STUB1: variants seen among roughly 807,000 people sequenced by gnomAD.
STUB1 encodes the protein E3 ubiquitin-protein ligase CHIP.
Under a neutral mutation model 40.3 loss-of-function variants are expected in STUB1, and 37 were observed. That is an observed-to-expected ratio of 0.92 (90% CI 0.71 to 1.21). The LOEUF (loss-of-function observed/expected upper bound fraction) is 1.21, where lower values mean the gene tolerates loss of function less well. Ranked by LOEUF, STUB1 falls within the 50% of genes most tolerant of loss-of-function variation. The pLI, the probability that STUB1 is intolerant of heterozygous loss-of-function variation, is 0.00. For missense variants in STUB1, 460 were observed against 421.9 expected (o/e 1.09, Z -0.79); for synonymous variants, 246 against 171.9 (o/e 1.43, Z -3.37).
At chr16:681,660 C>G in intron 3 of STUB1, 57 bp downstream of exon 3, 1 of 1,568,380 alleles carries the variant, frequency 6.4e-7, no homozygotes, top group Non-Finnish European at 8.7e-7. Context: ...CACCGACTCC[C>G]GACACAAGCG....
chr16:681,726 C>CT, intron 3 of STUB1, 67 bp from the exon 4 acceptor site: 3 of 1,552,582 alleles, frequency 1.9e-6, no homozygotes, highest in Non-Finnish European at 2.6e-6. Context: ...GATGTTAGCT[C>CT]TGAGATTGGG....
chr16:682,513 C>G lies in STUB1; in HGVS notation c.*24C>G, dbSNP rs192974847. The stretch of plus-strand genomic sequence containing the variant: ...GAGGTTCCCTGCCCTACCTGGCGTC[C>G]TGGTCCAGGGGAGCCCTGGGCAGAA... On this transcript the variant is annotated 3_prime_UTR_variant, in exon 7 of 7. Transcript: ENST00000219548. 24 of 1,612,750 alleles carry G rather than the reference C, an allele frequency of 1.5e-5. No homozygotes were observed. The Admixed American group carries it at 2.2e-4, about 15-fold the overall frequency.
chr16:682,053 T>C lies in STUB1; in HGVS notation c.646T>C (p.Ser216Pro), dbSNP rs1205665909. The C allele has an allele frequency of 6.3e-7, 1 of 1,586,428 alleles. No individual in the cohort carries two copies. Residue 216 changes from serine to proline, a missense_variant, in exon 5 of 7, where the codon TCT becomes CCT. Physicochemically the swap from Ser to Pro is moderately conservative, Grantham distance 74. Coordinates refer to ENST00000219548, the MANE Select transcript of STUB1 (RefSeq NM_005861.4). Reference sequence around the variant, plus strand: ...CATGGCGGACATGGACGAGCTTTTTTCTCAGGTGGATGAGAAGAGGAAGGT... The same window carrying C: ...CATGGCGGACATGGACGAGCTTTTTCCTCAGGTGGATGAGAAGAGGAAGGT... Reference protein sequence around the residue: ...KYMADMDELFSQVDEKRKKRD... With the variant: ...KYMADMDELFPQVDEKRKKRD...
Position 680,649 on chromosome 16 carries a change from T to A in STUB1, c.124T>A (p.Tyr42Asn). The change falls in exon 1 of 7, where the codon TAC becomes AAC. Residue 42 changes from tyrosine to asparagine, a missense_variant. Physicochemically the swap from Tyr to Asn is moderately radical, Grantham distance 143. Coordinates refer to ENST00000219548, the MANE Select transcript of STUB1 (RefSeq NM_005861.4). The surrounding 1 kb of genome is among the most constrained non-coding windows in gnomAD (Gnocchi z 4.9). ...CAATCGTCTGTTCGTGGGCCGAAAG[T>A]ACCCGGAGGCGGCGGCCTGCTACGG... The part of the protein sequence containing the change: ...QGNRLFVGRK[Y>N]PEAAACYGRA... 7.6e-7 allele frequency: 1 copy of A among 1,320,586 alleles called. No homozygotes were observed. Among genetic ancestry groups the A allele is most frequent in the Non-Finnish European group, 9.7e-7 (1 of 1,025,670 alleles). The allele number at this position is 1,320,586 out of a possible 1,614,324, so 81.8% of individuals were successfully genotyped here.
Position 680,475 on chromosome 16 carries a change from C to T in STUB1, c.-51C>T, listed in dbSNP as rs575847625. 3 of 1,180,128 alleles carry T rather than the reference C, an allele frequency of 2.5e-6. No individual in the cohort carries two copies. Among genetic ancestry groups the T allele is most frequent in the Non-Finnish European group, 3.1e-6 (3 of 953,638 alleles). 73.1% of individuals were successfully genotyped at this position (1,180,128 alleles called of 1,614,324 possible). ...CGGGGCTCCGGCTGCGGGCGCTGGG[C>T]CGCGAGGCGCGGAGCTTGGGAGCGG... On this transcript the variant is annotated 5_prime_UTR_variant, in exon 1 of 7. Coordinates refer to ENST00000219548, the MANE Select transcript of STUB1 (RefSeq NM_005861.4). This position sits in a 1 kb window ranked among gnomAD's most constrained non-coding sequence, Gnocchi z 4.9.
chr16:681,893 C>T lies in STUB1; in HGVS notation c.612+13C>T. 5 of 1,612,972 alleles carry T rather than the reference C, an allele frequency of 3.1e-6. No homozygotes were observed. Among genetic ancestry groups the T allele is most frequent in the South Asian group, 2.2e-5 (2 of 91,084 alleles). ...TGAGGCCAAGCACGTGAGGGTGCCC[C>T]CCACCCACATGTGGGTCTGTGTGTG... On this transcript the variant is annotated intron_variant, in intron 4 of 6. Coordinates refer to ENST00000219548, the MANE Select transcript of STUB1 (RefSeq NM_005861.4).
chr16:681,230 C>T lies in STUB1; in HGVS notation c.238C>T (p.Leu80=). 2 of 1,611,860 alleles carry T rather than the reference C, an allele frequency of 1.2e-6. No homozygotes were observed. Among genetic ancestry groups the T allele is most frequent in the Non-Finnish European group, 1.7e-6 (2 of 1,179,568 alleles). ...GAAGATGCAGCAGCACGAGCAGGCC[C>T]TGGCCGACTGCCGGCGCGCCCTGGA... ...YLKMQQHEQA[L]ADCRRALELD... is the part of the protein sequence containing the mutation. Residue 80 remains leucine, a synonymous_variant, in exon 2 of 7, where the codon CTG becomes TTG. Coordinates refer to ENST00000219548, the MANE Select transcript of STUB1 (RefSeq NM_005861.4).
At chr16:682,103 G>C in intron 5 of STUB1, 27 bp downstream of exon 5, 1 of 1,582,746 alleles carries the variant, frequency 6.3e-7, no homozygotes, top group East Asian at 2.3e-5. Flanking sequence ...TGCTGCCGAT[G>C]GCTGGCAGGT....
chr16:680,729 A>C lies in STUB1; in HGVS notation c.159+45A>C. On this transcript the variant is annotated intron_variant, in intron 1 of 6. Coordinates refer to ENST00000219548, the MANE Select transcript of STUB1 (RefSeq NM_005861.4). This position sits in a 1 kb window ranked among gnomAD's most constrained non-coding sequence, Gnocchi z 4.9. ...GAGGGCGGCGGCGGTGGCACCGGGG[A>C]GGGCCGGGCCCGGGCCCGGCCGGCC... The C allele has an allele frequency of 2.0e-6, 2 of 995,206 alleles. No homozygotes were observed. The highest frequency in any genetic ancestry group is 1.2e-6 in the Non-Finnish European group (1 of 822,208). The allele number at this position is 995,206 out of a possible 1,614,324, so 61.6% of individuals were successfully genotyped here.
chr16:682,750 G>T lies in STUB1; in HGVS notation c.*261G>T. 6.3e-7 allele frequency: 1 copy of T among 1,591,198 alleles called. No individual in the cohort carries two copies. The highest frequency in any genetic ancestry group is 1.3e-5 in the African/African-American group (1 of 74,704). The stretch of plus-strand genomic sequence containing the variant: ...GTAATAAAATCCGTGAGCACGAGGT[G>T]GGACGTGCTGGTGTGTGACCGGCAG... On this transcript the variant is annotated 3_prime_UTR_variant, in exon 7 of 7. Transcript: ENST00000219548.
In STUB1 at chr16:682,219, G is replaced by A; in HGVS notation, c.724G>A (p.Glu242Lys). 2 of 1,613,014 alleles carry A rather than the reference G, an allele frequency of 1.2e-6. No homozygotes were observed. The highest frequency in any genetic ancestry group is 1.7e-6 in the Non-Finnish European group (2 of 1,179,842). The change falls in exon 6 of 7, where the codon GAG becomes AAG. Residue 242 changes from glutamate (E) to lysine (K), a missense_variant. Coordinates refer to ENST00000219548, the MANE Select transcript of STUB1 (RefSeq NM_005861.4). ...CAAGATCAGCTTTGAGCTGATGCGG[G>A]AGCCGTGCATCACGCCCAGTGGCAT... ...CGKISFELMR[E>K]PCITPSGITY...
rs765770309 is a variant in STUB1 at position 682,405 on chromosome 16, C to T, written c.828C>T (p.Thr276=). Residue 276 remains threonine (T), a synonymous_variant, in exon 7 of 7, where the codon ACC becomes ACT. Coordinates refer to ENST00000219548, the MANE Select transcript of STUB1 (RefSeq NM_005861.4). The stretch of plus-strand genomic sequence containing the variant: ...ACCCCGTGACCCGGAGCCCCCTGAC[C>T]CAGGAACAGCTCATCCCCAACTTGG... ...HFDPVTRSPL[T]QEQLIPNLAM... is the part of the protein sequence containing the mutation. The T allele has an allele frequency of 1.4e-5, 23 of 1,613,258 alleles. No homozygotes were observed. Among genetic ancestry groups the T allele is most frequent in the Middle Eastern group, 3.3e-4 (2 of 6,084 alleles).
intron 1 of STUB1, 47 bp from the exon 2 acceptor site, chr16:681,105 A>C (rs1173138885): frequency 6.6e-7 from 1 of 1,519,176 alleles, no homozygotes; most frequent in South Asian, 1.2e-5. Context: ...CAGAGTGGGC[A>C]CGCTGAGCCT....
rs1254721723 is a variant in STUB1, at chr16:681,780, G to A, written c.525-13G>A. 3.2e-6 allele frequency: 5 copies of A among 1,586,440 alleles called. No homozygotes were observed. The highest frequency in any genetic ancestry group is 4.3e-6 in the Non-Finnish European group (5 of 1,162,050). On this transcript the variant is annotated splice_polypyrimidine_tract_variant and intron_variant, in intron 3 of 6. Transcript: ENST00000219548. The stretch of plus-strand genomic sequence containing the variant: ...CCAGGTCCATCTCTGACCGGCTCCT[G>A]GTCAACCCCCAGGGAGCTGGAAGAG...
rs1340395483 is a variant in STUB1 at position 682,573 on chromosome 16, C to T, written c.*84C>T. On this transcript the variant is annotated 3_prime_UTR_variant, in exon 7 of 7. Transcript: ENST00000219548. The stretch of plus-strand genomic sequence containing the variant: ...CCCTATACATAGTTTATGTTCCTGG[C>T]CACCCCGACCGCTTCCCCCAAGTTC... The T allele has an allele frequency of 2.6e-6, 4 of 1,567,822 alleles. No individual in the cohort carries two copies. Among genetic ancestry groups the T allele is most frequent in the Non-Finnish European group, 3.5e-6 (4 of 1,151,108 alleles).
Position 682,219 on chromosome 16 carries a change from G to T in STUB1, c.724G>T (p.Glu242Ter). 1 of 1,613,014 alleles carries T rather than the reference G, an allele frequency of 6.2e-7. No homozygotes were observed. The highest frequency in any genetic ancestry group is 8.5e-7 in the Non-Finnish European group (1 of 1,179,842). The change falls in exon 6 of 7, where the codon GAG becomes TAG. Residue 242 changes from glutamate to a stop codon, truncating the protein, a stop_gained. Coordinates refer to ENST00000219548, the MANE Select transcript of STUB1 (RefSeq NM_005861.4). LOFTEE classifies it high-confidence loss of function. ...CGKISFELMR[E>*]PCITPSGITY... ...CAAGATCAGCTTTGAGCTGATGCGGGAGCCGTGCATCACGCCCAGTGGCAT... is the reference window on the plus strand; with the variant it reads ...CAAGATCAGCTTTGAGCTGATGCGGTAGCCGTGCATCACGCCCAGTGGCAT...
Position 682,203 on chromosome 16 carries a change from C to G in STUB1, c.708C>G (p.Ser236Arg). ...CCGACTACCTGTGTGGCAAGATCAGCTTTGAGCTGATGCGGGAGCCGTGCA... is the reference window on the plus strand; with the variant it reads ...CCGACTACCTGTGTGGCAAGATCAGGTTTGAGCTGATGCGGGAGCCGTGCA... ...DIPDYLCGKI[S>R]FELMREPCIT... The change falls in exon 6 of 7, where the codon AGC becomes AGG. Residue 236 changes from serine to arginine, a missense_variant. Physicochemically the swap from Ser to Arg is moderately radical, Grantham distance 110 (BLOSUM62 -1). Transcript: ENST00000219548. 1 of 1,612,988 alleles carries G rather than the reference C, an allele frequency of 6.2e-7. No homozygotes were observed. The highest frequency in any genetic ancestry group is 1.7e-5 in the Admixed American group (1 of 60,022).
In STUB1 at chr16:682,258, A is replaced by G; in HGVS notation, c.763A>G (p.Lys255Glu). The change falls in exon 6 of 7, where the codon AAG (lysine) becomes GAG (glutamate). Residue 255 changes from lysine (K) to glutamate (E), a missense_variant. Coordinates refer to ENST00000219548, the MANE Select transcript of STUB1 (RefSeq NM_005861.4). ...GCCCAGTGGCATCACCTACGACCGCAAGGACATCGAGGAGCACCTGCAGGT... is the reference window on the plus strand; with the variant it reads ...GCCCAGTGGCATCACCTACGACCGCGAGGACATCGAGGAGCACCTGCAGGT... Reference protein sequence around the residue: ...ITPSGITYDRKDIEEHLQRVG... With the variant: ...ITPSGITYDREDIEEHLQRVG... The G allele has an allele frequency of 6.2e-7, 1 of 1,610,218 alleles. No individual in the cohort carries two copies. Among genetic ancestry groups the G allele is most frequent in the Non-Finnish European group, 8.5e-7 (1 of 1,179,586 alleles).
In STUB1 at chr16:680,890, G is replaced by A. The variant is rs1567279364; in HGVS notation, c.159+206G>A. 3 of 600,258 alleles carry A rather than the reference G, an allele frequency of 5.0e-6. No homozygotes were observed. The highest frequency in any genetic ancestry group is 8.0e-6 in the Non-Finnish European group (3 of 374,692). 37.2% of individuals were successfully genotyped at this position (600,258 alleles called of 1,614,324 possible). A position where few individuals can be genotyped will look rare whatever the true frequency, so the allele number is the denominator to read the frequency against. ...AGGCCGGCCGGGTGGGGGGAGGGCAGGGGCCCTCGACCCTTGAGGACCCCA... is the reference window on the plus strand; with the variant it reads ...AGGCCGGCCGGGTGGGGGGAGGGCAAGGGCCCTCGACCCTTGAGGACCCCA... On this transcript the variant is annotated intron_variant, in intron 1 of 6. Transcript: ENST00000219548. This position sits in a 1 kb window ranked among gnomAD's most constrained non-coding sequence, Gnocchi z 4.9.
Sources: allele counts gnomAD v4.1 joint callset, GRCh38; gene constraint gnomAD v4.1.1; non-coding constraint Gnocchi (gnomAD v3.1); transcripts MANE v1.5; gene names NCBI Gene and HGNC (gene_info 2026-07-23, HGNC 2026-07-21).